FHIT: variants seen among roughly 807,000 people sequenced by gnomAD.
FHIT encodes the protein fragile histidine triad diadenosine triphosphatase, also known as bis(5'-adenosyl)-triphosphatase.
In FHIT, 19 loss-of-function variants were observed where a neutral mutation model predicts 17.9. The ratio of observed to expected loss-of-function variants is 1.06; its 90% confidence interval spans 0.74 to 1.56. The LOEUF (loss-of-function observed/expected upper bound fraction) is 1.56. Ranked by LOEUF, FHIT falls within the 40% of genes most tolerant of loss-of-function variation. The pLI is 0.00. For synonymous variants in FHIT, 81 were observed against 69.7 expected (o/e 1.16, Z -0.81); for missense variants, 248 against 189.2 (o/e 1.31, Z -1.82).
rs965887357 is a variant in FHIT, at chr3:60,509,653, G to A, written c.103+27207C>T. On this transcript the variant is annotated intron_variant, in intron 5 of 9. Transcript: ENST00000492590. ...TCGCAAGTGACAGATGACTTGGAAA[G>A]CATGTCCACTTTAGTCCTCTAAGCA... is the stretch of plus-strand genomic sequence containing the variant. Among the ~76,000 whole-genome samples, 3 of 152,154 alleles carry A rather than the reference G, an allele frequency of 2.0e-5. No homozygotes were observed. The South Asian group carries it at 6.2e-4, about 32-fold the overall frequency.
intron 2 of FHIT, among the ~76,000 whole-genome samples, chr3:61,145,977 A>G (rs952469314): frequency 3.3e-5 from 5 of 152,058 alleles, no homozygotes; most frequent in Non-Finnish European, 7.4e-5. Flanking sequence ...TATAAACATC[A>G]GTGTATGCTA....
intron 8 of FHIT, among the ~76,000 whole-genome samples, chr3:59,753,703 C>T (rs1701046414): frequency 6.6e-6 from 1 of 152,168 alleles, no homozygotes; most frequent in Non-Finnish European, 1.5e-5. Context: ...CTTTGATATA[C>T]ATTATTTCGT....
chr3:60,225,186 C>T (rs1334999974), intron 5 of FHIT, among the ~76,000 whole-genome samples: 4 of 152,186 alleles, frequency 2.6e-5, no homozygotes, highest in African/African-American at 7.2e-5. Flanking sequence ...ACCATATATG[C>T]CATGCCTCTG....
chr3:60,673,272 T>C (rs1459876049), intron 4 of FHIT, among the ~76,000 whole-genome samples: 2 of 152,208 alleles, frequency 1.3e-5, no homozygotes, highest in East Asian at 3.8e-4. Context: ...ATAATGCGGG[T>C]TGACTAGCAG....
intron 7 of FHIT, among the ~76,000 whole-genome samples, chr3:59,981,428 A>G (rs893029931): frequency 5.9e-5 from 9 of 152,106 alleles, no homozygotes; most frequent in African/African-American, 1.7e-4. Flanking sequence ...GACAAATTCA[A>G]TATCCAAATT....
chr3:60,707,439 G>A (rs1559655745), intron 4 of FHIT, among the ~76,000 whole-genome samples: 5 of 152,072 alleles, frequency 3.3e-5, no homozygotes, highest in Admixed American at 6.6e-5. Flanking sequence ...ATCTATCCAC[G>A]GATAAATTAT....
chr3:60,272,244 A>C (rs1233814067), intron 5 of FHIT, among the ~76,000 whole-genome samples: 1 of 152,220 alleles, frequency 6.6e-6, no homozygotes, highest in African/African-American at 2.4e-5. Context: ...TCCAATATGA[A>C]GCAGAATTTA....
intron 5 of FHIT, among the ~76,000 whole-genome samples, chr3:60,090,309 C>G (rs144285870): frequency 2.0e-5 from 3 of 152,164 alleles, no homozygotes; most frequent in African/African-American, 7.2e-5. Flanking sequence ...TCTCTTCATA[C>G]CCATCACTGG....
intron 2 of FHIT, among the ~76,000 whole-genome samples, chr3:61,048,297 C>T (rs1316004081): frequency 6.6e-6 from 1 of 152,034 alleles, no homozygotes; most frequent in Non-Finnish European, 1.5e-5. Flanking sequence ...ATCAAACAAC[C>T]CCATCAAAAA....
intron 5 of FHIT, among the ~76,000 whole-genome samples, chr3:60,117,046 T>C (rs1411644187): frequency 1.3e-5 from 2 of 152,202 alleles, no homozygotes; most frequent in African/African-American, 4.8e-5. Flanking sequence ...ATCCTTAAAT[T>C]AGAAAGTCAG....
At chr3:60,031,433 A>G (rs971951987) in intron 5 of FHIT, among the ~76,000 whole-genome samples, 1 of 152,250 alleles carries the variant, frequency 6.6e-6, no homozygotes, top group Non-Finnish European at 1.5e-5. Flanking sequence ...CAACTAGTAA[A>G]TGGTAGAACA....
At chr3:60,359,842 G>T (rs1435463512) in intron 5 of FHIT, among the ~76,000 whole-genome samples, 1 of 152,122 alleles carries the variant, frequency 6.6e-6, no homozygotes, top group Non-Finnish European at 1.5e-5. Flanking sequence ...TTATATATCA[G>T]GCTGGCTTTC....
chr3:60,896,973 T>C (rs1705854265), intron 3 of FHIT, among the ~76,000 whole-genome samples: 1 of 152,208 alleles, frequency 6.6e-6, no homozygotes, highest in Admixed American at 6.5e-5. Flanking sequence ...CCTTCCTGTG[T>C]ATCCTTTTGC....
intron 6 of FHIT, 28 bp downstream of exon 6, chr3:60,013,979 A>C (rs752126979): frequency 1.2e-6 from 2 of 1,610,394 alleles, no homozygotes; most frequent in Admixed American, 1.7e-5. Flanking sequence ...GGGAAGAAAA[A>C]TCATTTCTGA....
At chr3:60,166,574 A>C (rs903821114) in intron 5 of FHIT, among the ~76,000 whole-genome samples, 1 of 152,168 alleles carries the variant, frequency 6.6e-6, no homozygotes, top group Non-Finnish European at 1.5e-5. Context: ...AAGATGAAGG[A>C]ATTCAGGCTT....
intron 5 of FHIT, among the ~76,000 whole-genome samples, chr3:60,526,543 A>G (rs984027461): frequency 3.3e-5 from 5 of 152,098 alleles, no homozygotes; most frequent in African/African-American, 1.2e-4. Context: ...ATAGTGTAGA[A>G]AAGTTGTTCT....
chr3:60,239,982 G>A (rs1705044498), intron 5 of FHIT, among the ~76,000 whole-genome samples: 1 of 152,054 alleles, frequency 6.6e-6, no homozygotes, highest in African/African-American at 2.4e-5. Flanking sequence ...AGGAATATTA[G>A]CAAATGACAG....
At chr3:60,456,730 T>A (rs2032119842) in intron 5 of FHIT, among the ~76,000 whole-genome samples, 1 of 152,286 alleles carries the variant, frequency 6.6e-6, no homozygotes, top group South Asian at 2.1e-4. Flanking sequence ...TGTGTTGACA[T>A]CTTACCCAAA....
intron 2 of FHIT, among the ~76,000 whole-genome samples, chr3:61,083,804 A>T (rs2035223509): frequency 6.6e-6 from 1 of 152,082 alleles, no homozygotes. Flanking sequence ...TGATGTTTTC[A>T]AGGTTCATCC....
Sources: gnomAD v4.1 joint callset for allele counts (sites outside exome capture counted in the v4.1 genomes callset) on GRCh38, gnomAD v4.1.1 for gene constraint, MANE v1.5 for transcripts, NCBI Gene and HGNC (gene_info 2026-07-23, HGNC 2026-07-21) for gene names.